Variants in AASS observed in about 807,000 individuals in gnomAD.
The protein encoded by AASS is alpha-aminoadipic semialdehyde synthase, mitochondrial.
A neutral mutation model predicts 105.4 loss-of-function variants in AASS; 86 were observed. That is an observed-to-expected ratio of 0.82 (90% CI 0.69 to 0.98). The LOEUF is 0.98. AASS is among the 50% of genes least tolerant of loss of function. The probability of loss-of-function intolerance (pLI) is 0.00; values close to 1 mark genes in which losing one functional copy is unlikely to be tolerated. For missense variants in AASS, 1,048 were observed against 1,143.2 expected, an observed-to-expected ratio of 0.92 and a Z score of 1.20; for synonymous variants, 381 against 394.8, an observed-to-expected ratio of 0.96 and a Z score of 0.41.
rs949701892 is a variant in AASS, at chr7:122,074,405, T to G, written c.*2084A>C. On this transcript the variant is annotated 3_prime_UTR_variant, in exon 24 of 24. Transcript: ENST00000417368. ...TCCTCCCTTAACTAATACATGATTT[T>G]AAAAAAAATTATCTCATTCTGTGGG... Among the ~76,000 whole-genome samples the G allele has an allele frequency of 2.0e-5, 3 of 152,082 alleles. No homozygotes were observed. The highest frequency in any genetic ancestry group is 7.2e-5 in the African/African-American group (3 of 41,440).
Position 122,118,408 on chromosome 7 carries a change from G to A in AASS, c.586C>T (p.Gln196Ter), listed in dbSNP as rs532611163. The change falls in exon 6 of 24, where the codon CAA (glutamine) becomes TAA (stop). Residue 196 changes from glutamine (Q) to a stop codon, truncating the protein, a stop_gained. Transcript: ENST00000417368. LOFTEE classifies it high-confidence loss of function. ...HNYRNSSQAV[Q>*]AVRDAGYEIS... ...TCATAGCCAGCATCACGGACAGCTT[G>A]CACAGCCTGACTGCTATTCCTGTAG... 1 of 1,614,156 alleles carries A rather than the reference G, an allele frequency of 6.2e-7. No individual in the cohort carries two copies. The highest frequency in any genetic ancestry group is 1.7e-5 in the Admixed American group (1 of 60,014).
In AASS at chr7:122,133,623, G is replaced by C; in HGVS notation, c.104C>G (p.Ala35Gly). Residue 35 changes from alanine to glycine, a missense_variant, in exon 2 of 24, where the codon GCC becomes GGC. Ala to Gly is a moderately conservative substitution (Grantham distance 60). Transcript: ENST00000417368. ...VLAVRREDVNAWERRAPLAPK... is the reference protein window; with the variant it reads ...VLAVRREDVNGWERRAPLAPK... ...AGCTAGCGGGGCCCTTCTCTCCCAG[G>C]CGTTCACATCCTCCCTCCGGACGGC... 2 of 1,614,148 alleles carry C rather than the reference G, an allele frequency of 1.2e-6. No individual in the cohort carries two copies. Among genetic ancestry groups the C allele is most frequent in the Non-Finnish European group, 8.5e-7 (1 of 1,180,030 alleles).
intron 19 of AASS, among the ~76,000 whole-genome samples, chr7:122,084,859 A>C (rs1442062138): frequency 6.6e-6 from 1 of 152,020 alleles, no homozygotes; most frequent in African/African-American, 2.4e-5. Flanking sequence ...GGCCTTAGCC[A>C]GGAAATCTCA....
intron 15 of AASS, among the ~76,000 whole-genome samples, chr7:122,095,887 C>G (rs1458907057): frequency 2.0e-5 from 3 of 152,106 alleles, no homozygotes; most frequent in Admixed American, 6.6e-5. Flanking sequence ...AAATCACATT[C>G]TCCATATTAA....
chr7:122,092,789 G>T, intron 17 of AASS, 54 bp downstream of exon 17: 1 of 1,384,524 alleles, frequency 7.2e-7, no homozygotes. Context: ...CTTTGATTCT[G>T]TACACAAGAA....
At position 122,140,485 on chromosome 7, in the gene AASS, C is replaced by CAAAA. The variant is rs57828681; in HGVS notation, c.-16+3672_-16+3675dup. 2.5e-3 allele frequency among the ~76,000 whole-genome samples: 93 copies of CAAAA among 37,092 alleles called. 3 individuals are homozygous for CAAAA. Among genetic ancestry groups the CAAAA allele is most frequent in the South Asian group, 8.3e-3 (5 of 604 alleles). The allele number at this position is 37,092 out of a possible 152,430, so 24.3% of individuals were successfully genotyped here. On this transcript the variant is annotated intron_variant, in intron 1 of 23. Coordinates refer to ENST00000417368, the MANE Select transcript of AASS (RefSeq NM_005763.4). ...TGGGCGACAGAGCGAGACTCAGTCT[C>CAAAA]AAAAAAAAAAAAAAAAAAAAAAAGA...
At chr7:122,130,626 C>T (rs142264743) in intron 2 of AASS, among the ~76,000 whole-genome samples, 435 of 151,920 alleles carry the variant, frequency 2.9e-3, no homozygotes, top group Non-Finnish European at 3.7e-3. Flanking sequence ...AACAGACAGA[C>T]ATATCTGATT....
chr7:122,134,234 C>T (rs1463394869), intron 1 of AASS, among the ~76,000 whole-genome samples: 3 of 152,060 alleles, frequency 2.0e-5, no homozygotes, highest in Non-Finnish European at 4.4e-5. Flanking sequence ...TCTCAGTGTG[C>T]CCTAGTGTCA....
intron 1 of AASS, among the ~76,000 whole-genome samples, chr7:122,135,148 T>C (rs1473662876): frequency 2.0e-5 from 3 of 151,654 alleles, no homozygotes; most frequent in Non-Finnish European, 2.9e-5. Context: ...GGGTGAGGGA[T>C]AGCATTAGGA....
chr7:122,081,515 G>A lies in AASS; in HGVS notation c.2265C>T (p.Ala755=). The part of the protein sequence containing the change: ...REALPAFRPE[A]NPLTWKQLLC... The stretch of plus-strand genomic sequence containing the variant: ...AGTCACTCACCCAGGTGAGAGGGTT[G>A]GCCTCAGGTCTAAAGGCAGGAAGCG... The change falls in exon 20 of 24, where the codon GCC becomes GCT. Residue 755 remains alanine, a synonymous_variant. Coordinates refer to ENST00000417368, the MANE Select transcript of AASS (RefSeq NM_005763.4). 1.9e-6 allele frequency: 3 copies of A among 1,613,478 alleles called. No homozygotes were observed. Among genetic ancestry groups the A allele is most frequent in the Middle Eastern group, 1.6e-4 (1 of 6,062 alleles).
intron 23 of AASS, among the ~76,000 whole-genome samples, chr7:122,076,956 T>TA (rs1281240467): frequency 5.9e-5 from 9 of 152,110 alleles, no homozygotes; most frequent in East Asian, 5.8e-4. Flanking sequence ...CATTTTTTTT[T>TA]AAAAAAGGCA....
intron 2 of AASS, among the ~76,000 whole-genome samples, chr7:122,131,023 T>C (rs999746914): frequency 7.3e-5 from 11 of 150,342 alleles, no homozygotes; most frequent in Non-Finnish European, 1.3e-4. Context: ...CACACAGGTG[T>C]TTATTTTTGC....
chr7:122,093,545 C>CA (rs1336405351), intron 15 of AASS, among the ~76,000 whole-genome samples: 1 of 152,180 alleles, frequency 6.6e-6, no homozygotes, highest in Admixed American at 6.5e-5. Flanking sequence ...TGCTGTGCCT[C>CA]ATGCCTGTAA....
chr7:122,094,503 A>AT (rs139913780), intron 15 of AASS, among the ~76,000 whole-genome samples: 22,494 of 151,876 alleles, frequency 0.15, 1,897 homozygotes, highest in South Asian at 0.28. Flanking sequence ...GTTGGTTTTT[A>AT]TTTTTTTGGT....
rs1792923770 is a variant in AASS at position 122,074,778 on chromosome 7, T to C, written c.*1711A>G. 1.3e-5 allele frequency among the ~76,000 whole-genome samples: 2 copies of C among 152,224 alleles called. No homozygotes were observed. The highest frequency in any genetic ancestry group is 2.4e-5 in the African/African-American group (1 of 41,458). ...TCTTAGCACTATTTTCAAAAGTCAGTTGATGATAAATGTGATCAATATTTC... is the reference window on the plus strand; with the variant it reads ...TCTTAGCACTATTTTCAAAAGTCAGCTGATGATAAATGTGATCAATATTTC... On this transcript the variant is annotated 3_prime_UTR_variant, in exon 24 of 24. Transcript: ENST00000417368.
chr7:122,121,895 C>T (rs565081310), intron 4 of AASS, among the ~76,000 whole-genome samples: 1 of 151,940 alleles, frequency 6.6e-6, no homozygotes, highest in South Asian at 2.1e-4. Flanking sequence ...GAAAGATGTC[C>T]AGAAAGATAT....
Position 122,091,600 on chromosome 7 carries a change from G to C in AASS, c.2016+103C>G, listed in dbSNP as rs1421841236. Reference sequence around the variant, plus strand: ...AACACAGGAGGAGATAATGGAGACAGGCAGCATCACCATTATTAAAGGGTT... The same window carrying C: ...AACACAGGAGGAGATAATGGAGACACGCAGCATCACCATTATTAAAGGGTT... On this transcript the variant is annotated intron_variant, in intron 18 of 23. Transcript: ENST00000417368. The C allele has an allele frequency of 5.9e-6, 9 of 1,524,512 alleles. No individual in the cohort carries two copies. In the Admixed American group the frequency reaches 1.6e-4, roughly 26 times the overall value. The allele number at this position is 1,524,512 out of a possible 1,614,324, so 94.4% of individuals were successfully genotyped here.
At position 122,084,094 on chromosome 7, in the gene AASS, C is replaced by CA. The variant is rs34641952; in HGVS notation, c.2184+1917dup. On this transcript the variant is annotated intron_variant, in intron 19 of 23. Coordinates refer to ENST00000417368, the MANE Select transcript of AASS (RefSeq NM_005763.4). Reference sequence around the variant, plus strand: ...AAAGCTATATATCCTAACTGCTGGCCAAAAAAAAAAGTTTTTACTCATATT... The same window carrying CA: ...AAAGCTATATATCCTAACTGCTGGCCAAAAAAAAAAAGTTTTTACTCATATT... Among the ~76,000 whole-genome samples the CA allele has an allele frequency of 4.1e-3, 594 of 144,586 alleles. 4 individuals are homozygous for CA. The highest frequency in any genetic ancestry group is 0.014 in the African/African-American group (557 of 39,468). The allele number at this position is 144,586 out of a possible 152,430, so 94.9% of individuals were successfully genotyped here.
chr7:122,107,172 C>G (rs1157941237), intron 11 of AASS, among the ~76,000 whole-genome samples: 1 of 152,062 alleles, frequency 6.6e-6, no homozygotes, highest in Non-Finnish European at 1.5e-5. Flanking sequence ...AAATGCAAAT[C>G]AAAACCACAA....
Sources: allele counts gnomAD v4.1 joint callset (sites outside exome capture counted in the v4.1 genomes callset), GRCh38; gene constraint gnomAD v4.1.1; transcripts MANE v1.5; gene names NCBI Gene and HGNC (gene_info 2026-07-23, HGNC 2026-07-21).